The following ARHGEF26 variants were observed in gnomAD, a reference collection of about 807,000 sequenced individuals.
ARHGEF26 encodes Rho guanine nucleotide exchange factor 26.
ARHGEF26 carries 59 observed loss-of-function variants against 89.4 expected under a neutral mutation model. That is an observed-to-expected ratio of 0.66 (90% CI 0.54 to 0.82). ARHGEF26 has a LOEUF of 0.82. Among genes scored for constraint, ARHGEF26 ranks in the 40% least tolerant of loss-of-function variants. ARHGEF26 has a pLI of 0.00. For synonymous variants in ARHGEF26, 500 were observed against 428.4 expected (o/e 1.17, Z -2.06); for missense variants, 1,234 against 1,085.6 (o/e 1.14, Z -1.92).
intron 6 of ARHGEF26, chr3:154,187,198 CTTATTTTTTAAGCAT>C: frequency 1.0e-6 from 1 of 984,426 alleles, no homozygotes; most frequent in Non-Finnish European, 1.2e-6. Context: ...TGGCCTCAGA[CTTATTTTTTAAGCAT>C]TTATTTAGGT....
chr3:154,217,542 A>T (rs357493), intron 9 of ARHGEF26, among the ~76,000 whole-genome samples: 105,907 of 152,064 alleles, frequency 0.7, 37,202 homozygotes, highest in East Asian at 0.87. Context: ...GCACTTGTTT[A>T]CTGGTCACAT....
At chr3:154,217,351 T>TC (rs1214642463) in intron 9 of ARHGEF26, among the ~76,000 whole-genome samples, 1 of 152,054 alleles carries the variant, frequency 6.6e-6, no homozygotes, top group Non-Finnish European at 1.5e-5. Context: ...AAGTGTCTGT[T>TC]CATGTCCTTC....
chr3:154,121,918 T>C lies in ARHGEF26; in HGVS notation c.-51-24T>C, dbSNP rs950812243. ...CGTCCCCGGTTGTCCAGAGGCACAG[T>C]TTCCTAACTTCTTTCCTCTTTAGGC... On this transcript the variant is annotated intron_variant, in intron 1 of 14. Transcript: ENST00000465093. 6.0e-6 allele frequency: 9 copies of C among 1,506,494 alleles called. No homozygotes were observed. The African/African-American group carries it at 1.1e-4, about 19-fold the overall frequency. 93.3% of individuals were successfully genotyped at this position (1,506,494 alleles called of 1,614,324 possible).
At chr3:154,174,652 T>TA (rs1203473120) in intron 6 of ARHGEF26, among the ~76,000 whole-genome samples, 2 of 152,248 alleles carry the variant, frequency 1.3e-5, no homozygotes, top group Non-Finnish European at 2.9e-5. Context: ...TCCTTCCTGT[T>TA]ACAGTTAATT....
chr3:154,256,011 T>G lies in ARHGEF26; in HGVS notation c.*538T>G, dbSNP rs1718480937. 3.0e-6 allele frequency: 3 copies of G among 985,790 alleles called. No homozygotes were observed. The Admixed American group carries it at 1.8e-4, about 61-fold the overall frequency. The allele number at this position is 985,790 out of a possible 1,614,324, so 61.1% of individuals were successfully genotyped here. ...GAGTTCAGAAGGTGAGCTGTTGTTTTTCTAAACCTCTTCCCAGGAAGGGGA... is the reference window on the plus strand; with the variant it reads ...GAGTTCAGAAGGTGAGCTGTTGTTTGTCTAAACCTCTTCCCAGGAAGGGGA... On this transcript the variant is annotated 3_prime_UTR_variant, in exon 15 of 15. Coordinates refer to ENST00000465093, the MANE Select transcript of ARHGEF26 (RefSeq NM_015595.4).
intron 10 of ARHGEF26, among the ~76,000 whole-genome samples, chr3:154,221,769 G>A (rs898440042): frequency 6.6e-6 from 1 of 152,194 alleles, no homozygotes; most frequent in Non-Finnish European, 1.5e-5. Flanking sequence ...AGATGCAGAT[G>A]AAACTAGTTA....
At chr3:154,144,610 T>C (rs977843554) in intron 4 of ARHGEF26, among the ~76,000 whole-genome samples, 2 of 152,186 alleles carry the variant, frequency 1.3e-5, no homozygotes, top group South Asian at 4.1e-4. Context: ...CTCAGCCTCA[T>C]GTCTGTATTG....
intron 7 of ARHGEF26, among the ~76,000 whole-genome samples, chr3:154,189,750 A>G (rs940750167): frequency 6.6e-6 from 1 of 152,086 alleles, no homozygotes; most frequent in Non-Finnish European, 1.5e-5. Context: ...TCCATCCCAG[A>G]CTATTTAATC....
At chr3:154,161,091 T>C (rs1236448647) in intron 6 of ARHGEF26, among the ~76,000 whole-genome samples, 2 of 21,840 alleles carry the variant, frequency 9.2e-5, no homozygotes, top group Non-Finnish European at 1.4e-4. Context: ...GGAATGCTGG[T>C]AGCCAGGTTT....
At chr3:154,216,478 G>GTC (rs1715730703) in intron 9 of ARHGEF26, among the ~76,000 whole-genome samples, 1 of 37,698 alleles carries the variant, frequency 2.7e-5, no homozygotes, top group African/African-American at 1.2e-4. Context: ...TTCAGCACTT[G>GTC]TTTTTTTTTT....
In ARHGEF26 at chr3:154,164,539, A is replaced by G. The variant is rs563499924; in HGVS notation, c.1487+11607A>G. On this transcript the variant is annotated intron_variant, in intron 6 of 14. Transcript: ENST00000465093. Reference sequence around the variant, plus strand: ...AAAAATTTTGGTGGAAAGGTTCCATAGAAATGTCAAGATTGGCTAAGATTG... The same window carrying G: ...AAAAATTTTGGTGGAAAGGTTCCATGGAAATGTCAAGATTGGCTAAGATTG... Among the ~76,000 whole-genome samples, 114 of 152,284 alleles carry G rather than the reference A, an allele frequency of 7.5e-4. 1 individual carries two copies. Among genetic ancestry groups the G allele is most frequent in the African/African-American group, 2.7e-3 (112 of 41,584 alleles).
chr3:154,249,358 A>G (rs73875333), intron 12 of ARHGEF26, among the ~76,000 whole-genome samples: 1,735 of 152,340 alleles, frequency 0.011, 30 homozygotes, highest in African/African-American at 0.04. Flanking sequence ...ACTGTGCATA[A>G]TGAATTATAT....
At chr3:154,245,126 CAA>C in intron 12 of ARHGEF26, among the ~76,000 whole-genome samples, 1 of 152,324 alleles carries the variant, frequency 6.6e-6, no homozygotes, top group African/African-American at 2.4e-5. Flanking sequence ...TTCACGGGTT[CAA>C]GTGATTCTCC....
intron 6 of ARHGEF26, among the ~76,000 whole-genome samples, chr3:154,185,045 C>T (rs529573734): frequency 9.8e-5 from 15 of 152,290 alleles, no homozygotes; most frequent in Non-Finnish European, 1.5e-4. Context: ...CACTGATAAT[C>T]CAGCTTACAC....
Position 154,240,489 on chromosome 3 carries a change from G to C in ARHGEF26, c.2210G>C (p.Arg737Thr). The change falls in exon 12 of 15, where the codon AGA becomes ACA. Residue 737 changes from arginine (R) to threonine (T), a missense_variant. Physicochemically the swap from Arg to Thr is moderately conservative, Grantham distance 71. Coordinates refer to ENST00000465093, the MANE Select transcript of ARHGEF26 (RefSeq NM_015595.4). Reference sequence around the variant, plus strand: ...AACAGCTCCACAATGCTCTATTCAAGACAGAGCTCTGCCAGTCACCTCTTT... The same window carrying C: ...AACAGCTCCACAATGCTCTATTCAACACAGAGCTCTGCCAGTCACCTCTTT... ...GKNSSTMLYS[R>T]QSSASHLFTL... 6.2e-7 allele frequency: 1 copy of C among 1,613,338 alleles called. No homozygotes were observed. The highest frequency in any genetic ancestry group is 2.2e-5 in the East Asian group (1 of 44,872).
chr3:154,245,801 T>G (rs1210650384), intron 12 of ARHGEF26, among the ~76,000 whole-genome samples: 17 of 152,224 alleles, frequency 1.1e-4, no homozygotes, highest in Non-Finnish European at 2.9e-5. Flanking sequence ...AGTGGATTTT[T>G]GTCAGGCACC....
chr3:154,225,348 A>G (rs918203450), intron 10 of ARHGEF26, among the ~76,000 whole-genome samples: 5 of 152,164 alleles, frequency 3.3e-5, no homozygotes, highest in Admixed American at 3.3e-4. Context: ...TAGACAAAAA[A>G]ATAAGCATGT....
chr3:154,253,530 C>G (rs1194358887), intron 13 of ARHGEF26, among the ~76,000 whole-genome samples: 5 of 152,150 alleles, frequency 3.3e-5, no homozygotes, highest in Non-Finnish European at 7.3e-5. Flanking sequence ...AACTGTAAAG[C>G]CCTTAAATTT....
chr3:154,165,435 T>G (rs2108126342), intron 6 of ARHGEF26, among the ~76,000 whole-genome samples: 1 of 152,298 alleles, frequency 6.6e-6, no homozygotes, highest in Non-Finnish European at 1.5e-5. Context: ...GGGAAAACAG[T>G]ATAATTATTT....
Sources: allele counts gnomAD v4.1 joint callset (sites outside exome capture counted in the v4.1 genomes callset), GRCh38; gene constraint gnomAD v4.1.1; transcripts MANE v1.5; gene names NCBI Gene and HGNC (gene_info 2026-07-23, HGNC 2026-07-21).